HHAT: variants seen among roughly 807,000 people sequenced by gnomAD.
HHAT encodes the protein protein-cysteine N-palmitoyltransferase HHAT.
HHAT carries 47 observed loss-of-function variants against 70.8 expected under a neutral mutation model. That is an observed-to-expected ratio of 0.66 (90% CI 0.53 to 0.85). HHAT has a LOEUF of 0.85. Ranked by LOEUF, HHAT falls within the 40% of genes least tolerant of loss-of-function variation. HHAT has a pLI of 0.00. For synonymous variants in HHAT, 228 were observed against 247.6 expected, an observed-to-expected ratio of 0.92 and a Z score of 0.74; for missense variants, 609 against 604.8, an observed-to-expected ratio of 1.01 and a Z score of -0.07.
At chr1:210,619,838 C>T (rs1197361992) in intron 10 of HHAT, among the ~76,000 whole-genome samples, 2 of 152,192 alleles carry the variant, frequency 1.3e-5, no homozygotes, top group Non-Finnish European at 2.9e-5. Context: ...CCAGAGCTCT[C>T]TTTTATCCTG....
chr1:210,364,121 G>T (rs544366294), intron 3 of HHAT, among the ~76,000 whole-genome samples: 3 of 152,312 alleles, frequency 2.0e-5, no homozygotes, highest in South Asian at 2.1e-4. Context: ...CCTGCATGGG[G>T]TGCCATTCTT....
intron 7 of HHAT, 47 bp from the exon 8 acceptor site, chr1:210,464,458 T>G: frequency 6.2e-7 from 1 of 1,609,654 alleles, no homozygotes; most frequent in Non-Finnish European, 8.5e-7. Context: ...TCCAGGAAAC[T>G]GCTGTGATTC....
At chr1:210,560,502 C>G (rs1251063698) in intron 9 of HHAT, among the ~76,000 whole-genome samples, 1 of 151,964 alleles carries the variant, frequency 6.6e-6, no homozygotes, top group African/African-American at 2.4e-5. Flanking sequence ...AAAGGGATGA[C>G]AGCTATGACA....
intron 7 of HHAT, among the ~76,000 whole-genome samples, chr1:210,421,732 A>G (rs113008968): frequency 0.18 from 26,785 of 152,170 alleles, 3,015 homozygotes; most frequent in Admixed American, 0.34. Context: ...GCTATGAGCC[A>G]CTGTGCCTGG....
chr1:210,386,222 C>CTTTTTTTTTTTT (rs1295756019), intron 3 of HHAT, among the ~76,000 whole-genome samples: 1 of 69,886 alleles, frequency 1.4e-5, no homozygotes, highest in African/African-American at 5.3e-5. Flanking sequence ...GAGTCCTTTT[C>CTTTTTTTTTTTT]TTTTTTTCTT....
At chr1:210,659,314 G>A (rs1247632912) in intron 11 of HHAT, among the ~76,000 whole-genome samples, 1 of 152,194 alleles carries the variant, frequency 6.6e-6, no homozygotes, top group East Asian at 1.9e-4. Context: ...ACACCTCTAT[G>A]CAAATAAACT....
chr1:210,404,742 G>A (rs2148214921), intron 6 of HHAT, 63 bp downstream of exon 6: 2 of 1,354,884 alleles, frequency 1.5e-6, no homozygotes, highest in Non-Finnish European at 2.1e-6. Flanking sequence ...TGTTGCTCTG[G>A]TCTTCTCTGA....
chr1:210,541,096 C>T (rs1573166504), intron 9 of HHAT, among the ~76,000 whole-genome samples: 1 of 152,268 alleles, frequency 6.6e-6, no homozygotes, highest in East Asian at 1.9e-4. Flanking sequence ...CTGCCTCGGC[C>T]TCTCAAAGTG....
chr1:210,536,797 C>T (rs903912339), intron 9 of HHAT, among the ~76,000 whole-genome samples: 3 of 152,122 alleles, frequency 2.0e-5, no homozygotes, highest in African/African-American at 4.8e-5. Context: ...ACATTTTGGA[C>T]TCGTTAATTC....
At chr1:210,515,803 C>T (rs535932376) in intron 9 of HHAT, among the ~76,000 whole-genome samples, 1 of 150,542 alleles carries the variant, frequency 6.6e-6, no homozygotes, top group East Asian at 2.0e-4. Flanking sequence ...TGCAGTGGCT[C>T]ATGCCTGTAA....
chr1:210,625,847 T>A (rs1669726361), intron 11 of HHAT, among the ~76,000 whole-genome samples: 1 of 152,232 alleles, frequency 6.6e-6, no homozygotes, highest in Non-Finnish European at 1.5e-5. Context: ...AACATGAGAC[T>A]GGTGCACCAG....
intron 11 of HHAT, among the ~76,000 whole-genome samples, chr1:210,661,120 G>A (rs964819261): frequency 7.2e-5 from 11 of 152,172 alleles, no homozygotes; most frequent in African/African-American, 2.7e-4. Context: ...TACCATCAGA[G>A]TGAACAGGCA....
At chr1:210,430,611 CA>C in intron 7 of HHAT, among the ~76,000 whole-genome samples, 1 of 151,760 alleles carries the variant, frequency 6.6e-6, no homozygotes, top group South Asian at 2.1e-4. Flanking sequence ...TGAGTAGTTT[CA>C]AAATTATAAT....
chr1:210,667,924 C>T (rs79542742), intron 11 of HHAT, among the ~76,000 whole-genome samples: 60 of 152,144 alleles, frequency 3.9e-4, no homozygotes, highest in African/African-American at 1.1e-3. Context: ...GAGTTTTTTT[C>T]GTCTTGCAAA....
chr1:210,399,689 T>A (rs2091970380), intron 4 of HHAT, among the ~76,000 whole-genome samples: 1 of 152,180 alleles, frequency 6.6e-6, no homozygotes, highest in Non-Finnish European at 1.5e-5. Context: ...GTTAAAACAT[T>A]GTGGTTTTTA....
chr1:210,518,537 A>G (rs2095099736), intron 9 of HHAT, among the ~76,000 whole-genome samples: 1 of 152,168 alleles, frequency 6.6e-6, no homozygotes, highest in Non-Finnish European at 1.5e-5. Flanking sequence ...TCGCACCTGT[A>G]ATCCCAGCAC....
intron 10 of HHAT, among the ~76,000 whole-genome samples, chr1:210,620,301 G>A (rs1668577000): frequency 6.6e-6 from 1 of 152,190 alleles, no homozygotes; most frequent in Admixed American, 6.5e-5. Flanking sequence ...CTATAAACCA[G>A]TAGCTGAGCC....
chr1:210,565,168 G>T (rs182102684), intron 9 of HHAT, among the ~76,000 whole-genome samples: 28 of 152,254 alleles, frequency 1.8e-4, no homozygotes, highest in Admixed American at 4.6e-4. Context: ...TTAACTATGG[G>T]AGAAGGGACA....
intron 8 of HHAT, among the ~76,000 whole-genome samples, chr1:210,508,484 A>G (rs1465398034): frequency 2.0e-5 from 3 of 150,068 alleles, no homozygotes; most frequent in African/African-American, 7.4e-5. Flanking sequence ...AACAGTTTAT[A>G]GTTTTAAATA....
Sources: gnomAD v4.1 joint callset for allele counts (sites outside exome capture counted in the v4.1 genomes callset) on GRCh38, gnomAD v4.1.1 for gene constraint, MANE v1.5 for transcripts, NCBI Gene and HGNC (gene_info 2026-07-23, HGNC 2026-07-21) for gene names.